FHIT: variants seen among roughly 807,000 people sequenced by gnomAD.
FHIT encodes the protein fragile histidine triad diadenosine triphosphatase, also known as bis(5'-adenosyl)-triphosphatase.
A neutral mutation model predicts 17.9 loss-of-function variants in FHIT; 19 were observed. The ratio of observed to expected loss-of-function variants is 1.06; its 90% CI spans 0.74 to 1.56. The LOEUF (loss-of-function observed/expected upper bound fraction) is 1.56. Among genes scored for constraint, FHIT ranks in the 40% most tolerant of loss-of-function variants. The pLI, the probability that FHIT is intolerant of heterozygous loss-of-function variation, is 0.00. For missense variants in FHIT, 248 were observed against 189.2 expected, an observed-to-expected ratio of 1.31 and a Z score of -1.82; for synonymous variants, 81 against 69.7, an observed-to-expected ratio of 1.16 and a Z score of -0.81.
chr3:60,681,615 T>C (rs1210540717), intron 4 of FHIT, among the ~76,000 whole-genome samples: 2 of 152,126 alleles, frequency 1.3e-5, no homozygotes, highest in African/African-American at 4.8e-5. Context: ...TTGAAGGAAA[T>C]TAAAAGTGCT....
chr3:60,021,543 G>A (rs1330048601), intron 5 of FHIT, among the ~76,000 whole-genome samples: 1 of 152,098 alleles, frequency 6.6e-6, no homozygotes, highest in African/African-American at 2.4e-5. Context: ...TAAGTATGTG[G>A]GAAAGAAGTA....
At chr3:61,126,428 T>C (rs1028316118) in intron 2 of FHIT, among the ~76,000 whole-genome samples, 3 of 151,846 alleles carry the variant, frequency 2.0e-5, no homozygotes, top group Non-Finnish European at 4.4e-5. Flanking sequence ...CTCAGGAAAA[T>C]TACAGTCATG....
intron 4 of FHIT, among the ~76,000 whole-genome samples, chr3:60,807,563 G>T (rs1180169308): frequency 6.6e-6 from 1 of 152,148 alleles, no homozygotes; most frequent in African/African-American, 2.4e-5. Flanking sequence ...ACCCCAGCCT[G>T]GGCAGCAAAG....
chr3:60,570,811 C>T, intron 4 of FHIT, among the ~76,000 whole-genome samples: 1 of 148,762 alleles, frequency 6.7e-6, no homozygotes, highest in Non-Finnish European at 1.5e-5. Flanking sequence ...ATTTGTTGGA[C>T]TGAACCAAAG....
intron 3 of FHIT, among the ~76,000 whole-genome samples, chr3:60,905,234 G>T (rs149045841): frequency 1.6e-3 from 241 of 152,172 alleles, no homozygotes; most frequent in Middle Eastern, 3.4e-3. Context: ...TCCAAAAAAA[G>T]TACATTGAGA....
chr3:60,000,809 A>C (rs1699701512), intron 7 of FHIT, among the ~76,000 whole-genome samples: 1 of 152,140 alleles, frequency 6.6e-6, no homozygotes, highest in Non-Finnish European at 1.5e-5. Flanking sequence ...ATTCCTTACC[A>C]CAGCATAAGT....
At chr3:60,203,398 A>C (rs60315901) in intron 5 of FHIT, among the ~76,000 whole-genome samples, 1 of 152,146 alleles carries the variant, frequency 6.6e-6, no homozygotes, top group Non-Finnish European at 1.5e-5. Flanking sequence ...ATATCCCTCA[A>C]CAAAGGCATG....
intron 5 of FHIT, among the ~76,000 whole-genome samples, chr3:60,262,608 C>G (rs947289453): frequency 6.6e-6 from 1 of 151,898 alleles, no homozygotes; most frequent in African/African-American, 2.4e-5. Flanking sequence ...GAGACCCAAC[C>G]CTTTTTACCT....
At chr3:60,127,557 A>G (rs1444562920) in intron 5 of FHIT, among the ~76,000 whole-genome samples, 1 of 152,138 alleles carries the variant, frequency 6.6e-6, no homozygotes, top group East Asian at 1.9e-4. Context: ...CAGAAATGAT[A>G]TACATCTTAT....
At chr3:60,789,895 T>A (rs1467972501) in intron 4 of FHIT, among the ~76,000 whole-genome samples, 2 of 152,216 alleles carry the variant, frequency 1.3e-5, no homozygotes, top group African/African-American at 2.4e-5. Flanking sequence ...TTGGCATGTG[T>A]TGTACCACAG....
chr3:61,109,085 T>A (rs1294331943), intron 2 of FHIT, among the ~76,000 whole-genome samples: 3 of 152,124 alleles, frequency 2.0e-5, no homozygotes, highest in Non-Finnish European at 4.4e-5. Flanking sequence ...CAAGTGAACA[T>A]TTTATTGGAG....
At chr3:59,913,303 T>C (rs1704973894) in intron 8 of FHIT, among the ~76,000 whole-genome samples, 1 of 152,156 alleles carries the variant, frequency 6.6e-6, no homozygotes. Context: ...GAAAATCGCT[T>C]TTCTCCCTAT....
chr3:60,425,096 G>C (rs932201415), intron 5 of FHIT, among the ~76,000 whole-genome samples: 1 of 152,032 alleles, frequency 6.6e-6, no homozygotes, highest in African/African-American at 2.4e-5. Flanking sequence ...AGAAACACAT[G>C]GATCAAGGGA....
At chr3:60,777,479 T>C (rs1700246549) in intron 4 of FHIT, among the ~76,000 whole-genome samples, 1 of 152,302 alleles carries the variant, frequency 6.6e-6, no homozygotes, top group East Asian at 1.9e-4. Context: ...CCAAATTTTA[T>C]TGTGCAGAGG....
At chr3:61,016,665 T>G (rs1270730123) in intron 3 of FHIT, among the ~76,000 whole-genome samples, 4 of 152,224 alleles carry the variant, frequency 2.6e-5, no homozygotes, top group Admixed American at 2.0e-4. Flanking sequence ...ACAAGAACCC[T>G]CAGCTCCATG....
intron 4 of FHIT, among the ~76,000 whole-genome samples, chr3:60,778,822 A>G (rs1553725080): frequency 1.3e-5 from 2 of 152,292 alleles, no homozygotes; most frequent in East Asian, 3.9e-4. Context: ...TAAGGAGTCA[A>G]GCTCAACTTG....
At chr3:61,038,647 C>T (rs2033366906) in intron 3 of FHIT, among the ~76,000 whole-genome samples, 2 of 152,100 alleles carry the variant, frequency 1.3e-5, no homozygotes, top group South Asian at 2.1e-4. Flanking sequence ...ATATTTGTTA[C>T]AGCTGCATTC....
At chr3:61,111,618 T>C (rs1238208612) in intron 2 of FHIT, among the ~76,000 whole-genome samples, 1 of 152,194 alleles carries the variant, frequency 6.6e-6, no homozygotes, top group Non-Finnish European at 1.5e-5. Flanking sequence ...GCAATGCATG[T>C]TGAAAGAGCT....
chr3:61,103,164 C>A (rs1321756245), intron 2 of FHIT, among the ~76,000 whole-genome samples: 1 of 152,126 alleles, frequency 6.6e-6, no homozygotes, highest in Non-Finnish European at 1.5e-5. Context: ...AATTTTATAT[C>A]TTTCCTGCTT....
Sources: allele counts gnomAD v4.1 joint callset (sites outside exome capture counted in the v4.1 genomes callset), GRCh38; gene constraint gnomAD v4.1.1; transcripts MANE v1.5; gene names NCBI Gene and HGNC (gene_info 2026-07-23, HGNC 2026-07-21).